CCDC191: variants seen among roughly 807,000 people sequenced by gnomAD.
The protein encoded by CCDC191 is coiled-coil domain-containing protein 191.
A neutral mutation model predicts 114.0 loss-of-function variants in CCDC191; 99 were observed. That is an observed-to-expected ratio of 0.87 (90% CI 0.74 to 1.03). The LOEUF (loss-of-function observed/expected upper bound fraction) is 1.03, where lower values mean the gene tolerates loss of function less well. Ranked by LOEUF, CCDC191 falls within the 50% of genes least tolerant of loss-of-function variation. The pLI is 0.00. For missense variants in CCDC191, 973 were observed against 1,087.0 expected, an observed-to-expected ratio of 0.90 and a Z score of 1.47; for synonymous variants, 351 against 376.0, an observed-to-expected ratio of 0.93 and a Z score of 0.77.
At position 114,010,801 on chromosome 3, in the gene CCDC191, T is replaced by A; in HGVS notation, c.1384A>T (p.Met462Leu). The change falls in exon 9 of 17, where the codon ATG becomes TTG. Residue 462 changes from methionine to leucine, a missense_variant. Physicochemically the swap from Met to Leu is conservative, Grantham distance 15. Transcript: ENST00000295878. ...GISLPEEATA[M>L]VGPPVKNGQE... ...CCATTTTTTACTGGTGGACCCACCATGGCTGTTGCCTCCTCAGGTAGACTG... is the reference window on the plus strand; with the variant it reads ...CCATTTTTTACTGGTGGACCCACCAAGGCTGTTGCCTCCTCAGGTAGACTG... 1 of 1,613,660 alleles carries A rather than the reference T, an allele frequency of 6.2e-7. No homozygotes were observed. Among genetic ancestry groups the A allele is most frequent in the Non-Finnish European group, 8.5e-7 (1 of 1,179,662 alleles).
At chr3:114,021,746 C>T (rs1490834749) in intron 7 of CCDC191, among the ~76,000 whole-genome samples, 1 of 152,068 alleles carries the variant, frequency 6.6e-6, no homozygotes, top group African/African-American at 2.4e-5. Flanking sequence ...TACTTTGGAA[C>T]TACAATAGTG....
chr3:113,999,614 A>G (rs1406408643), intron 13 of CCDC191, among the ~76,000 whole-genome samples: 8 of 152,152 alleles, frequency 5.3e-5, no homozygotes, highest in Non-Finnish European at 2.9e-5. Flanking sequence ...AGAGAATCAC[A>G]AGCAGCTGAG....
chr3:113,972,665 C>A (rs900858573), intron 16 of CCDC191, among the ~76,000 whole-genome samples: 9 of 152,098 alleles, frequency 5.9e-5, no homozygotes, highest in African/African-American at 1.9e-4. Context: ...CTGAGAGTGG[C>A]GTGTTGAAGT....
chr3:114,046,559 T>G lies in CCDC191; in HGVS notation c.271+32A>C, dbSNP rs182537567. On this transcript the variant is annotated intron_variant, in intron 3 of 16. Coordinates refer to ENST00000295878, the MANE Select transcript of CCDC191 (RefSeq NM_020817.2). ...ATCATGGGTTATGCTTTAAGAATTG[T>G]TAACATCGCAGCAGAAAATGCATTC... 19 of 1,283,070 alleles carry G rather than the reference T, an allele frequency of 1.5e-5. No homozygotes were observed. In the East Asian group the frequency reaches 4.4e-4, roughly 30 times the overall value. 79.5% of individuals were successfully genotyped at this position (1,283,070 alleles called of 1,614,324 possible).
Position 114,002,448 on chromosome 3 carries a change from T to C in CCDC191, c.2061+8A>G. The C allele has an allele frequency of 6.3e-7, 1 of 1,592,742 alleles. No individual in the cohort carries two copies. The highest frequency in any genetic ancestry group is 1.7e-5 in the Admixed American group (1 of 57,786). ...TTTTTGACTCAGTTTGCATTTTGAA[T>C]CTATTACCAATTTTTCTTCTTCTTG... is the stretch of plus-strand genomic sequence containing the variant. On this transcript the variant is annotated splice_region_variant and intron_variant, in intron 12 of 16. Coordinates refer to ENST00000295878, the MANE Select transcript of CCDC191 (RefSeq NM_020817.2).
intron 13 of CCDC191, among the ~76,000 whole-genome samples, chr3:114,000,382 A>C (rs2075831682): frequency 6.6e-6 from 1 of 152,084 alleles, no homozygotes; most frequent in South Asian, 2.1e-4. Flanking sequence ...CCTGATTCTG[A>C]GCCTTCAGAC....
chr3:114,041,874 C>T (rs2076566241), intron 4 of CCDC191, among the ~76,000 whole-genome samples: 1 of 151,924 alleles, frequency 6.6e-6, no homozygotes, highest in Admixed American at 6.6e-5. Flanking sequence ...GACGCTGGCT[C>T]TGTGCACAGT....
intron 16 of CCDC191, among the ~76,000 whole-genome samples, chr3:113,969,451 A>C (rs768403147): frequency 2.6e-5 from 4 of 152,170 alleles, no homozygotes; most frequent in Non-Finnish European, 4.4e-5. Context: ...CATTGTCTCA[A>C]TGTTTTCTTC....
In CCDC191 at chr3:114,010,913, G is replaced by T; in HGVS notation, c.1272C>A (p.Leu424=). The T allele has an allele frequency of 6.2e-7, 1 of 1,614,048 alleles. No individual in the cohort carries two copies. Among genetic ancestry groups the T allele is most frequent in the Non-Finnish European group, 8.5e-7 (1 of 1,179,950 alleles). Residue 424 remains leucine, a synonymous_variant, in exon 9 of 17, where the codon CTC becomes CTA. Coordinates refer to ENST00000295878, the MANE Select transcript of CCDC191 (RefSeq NM_020817.2). ...TCTTCTTCCTAGTTTCCTCTTTTGT[G>T]AGAGCCAGCTCTCTCTTCAGGAGCT... ...GAELLKRELA[L]TKEETRKKMD...
intron 13 of CCDC191, among the ~76,000 whole-genome samples, chr3:114,000,655 CTCTT>C (rs2075838031): frequency 6.6e-6 from 1 of 151,472 alleles, no homozygotes; most frequent in Non-Finnish European, 1.5e-5. Context: ...CTCTCTCTCT[CTCTT>C]TTTTTTTCTT....
chr3:113,976,745 T>C (rs897408901), intron 16 of CCDC191, among the ~76,000 whole-genome samples: 1 of 152,046 alleles, frequency 6.6e-6, no homozygotes, highest in Admixed American at 6.6e-5. Flanking sequence ...GATAGATAGA[T>C]AGGTTCTGTT....
At chr3:114,006,085 G>T in intron 9 of CCDC191, 123 bp from the exon 10 acceptor site, 1 of 879,402 alleles carries the variant, frequency 1.1e-6, no homozygotes, top group East Asian at 2.6e-5. Context: ...AGGTAAAGGT[G>T]GTCTGTGCTC....
At chr3:113,970,338 T>C (rs1172028545) in intron 16 of CCDC191, among the ~76,000 whole-genome samples, 1 of 152,000 alleles carries the variant, frequency 6.6e-6, no homozygotes, top group African/African-American at 2.4e-5. Context: ...TTGGATACAT[T>C]TTTTTTAAAG....
Position 114,002,516 on chromosome 3 carries a change from T to C in CCDC191, c.2001A>G (p.Gln667=). 6.2e-7 allele frequency: 1 copy of C among 1,610,926 alleles called. No individual in the cohort carries two copies. The highest frequency in any genetic ancestry group is 8.5e-7 in the Non-Finnish European group (1 of 1,178,704). Residue 667 remains glutamine, a synonymous_variant, in exon 12 of 17, where the codon CAA becomes CAG. Coordinates refer to ENST00000295878, the MANE Select transcript of CCDC191 (RefSeq NM_020817.2). ...CCAAGATCCGCCTACATTCAGCTCG[T>C]TGAATTGCTCTCTCTTCCATAGCTA... ...ILKAMEERAI[Q]RAECRRILAE... is the part of the protein sequence containing the mutation.
chr3:113,986,720 T>G (rs1276697871), intron 13 of CCDC191, among the ~76,000 whole-genome samples: 2 of 152,176 alleles, frequency 1.3e-5, no homozygotes, highest in East Asian at 3.8e-4. Context: ...AATGGGGTCC[T>G]AGGGTGCAGC....
intron 12 of CCDC191, 54 bp downstream of exon 12, chr3:114,002,402 A>C: frequency 7.7e-7 from 1 of 1,298,512 alleles, no homozygotes; most frequent in Non-Finnish European, 1.1e-6. Flanking sequence ...TTTTTTAAGA[A>C]AGACCTGGAC....
intron 8 of CCDC191, 92 bp downstream of exon 8, chr3:114,018,586 T>C: frequency 1.0e-6 from 1 of 985,306 alleles, no homozygotes; most frequent in Non-Finnish European, 1.5e-6. Flanking sequence ...AAGATTATTC[T>C]AGTTGGCATG....
intron 13 of CCDC191, among the ~76,000 whole-genome samples, chr3:113,990,502 C>G (rs1232786398): frequency 6.6e-6 from 1 of 151,854 alleles, no homozygotes; most frequent in Non-Finnish European, 1.5e-5. Context: ...AAATTAGGTT[C>G]AGTATATATT....
chr3:114,029,274 C>T (rs1036215264), intron 7 of CCDC191, among the ~76,000 whole-genome samples: 3 of 152,020 alleles, frequency 2.0e-5, no homozygotes, highest in Non-Finnish European at 4.4e-5. Context: ...CACGTTGAAA[C>T]AATCTGAATA....
Sources: allele counts gnomAD v4.1 joint callset (sites outside exome capture counted in the v4.1 genomes callset), GRCh38; gene constraint gnomAD v4.1.1; transcripts MANE v1.5; gene names NCBI Gene and HGNC (gene_info 2026-07-23, HGNC 2026-07-21).